NRG1: variants seen among roughly 807,000 people sequenced by gnomAD.
NRG1 encodes the protein neuregulin 1.
A neutral mutation model predicts 63.8 loss-of-function variants in NRG1; 18 were observed. The observed-to-expected ratio is 0.28, with a 90% CI of 0.19 to 0.42. The LOEUF is 0.42. Ranked by LOEUF, NRG1 falls within the 10% of genes least tolerant of loss-of-function variation. The pLI, the probability that NRG1 is intolerant of heterozygous loss-of-function variation, is 1.00. For missense variants in NRG1, 762 were observed against 814.7 expected (o/e 0.94, Z 0.79); for synonymous variants, 302 against 301.3 (o/e 1.00, Z -0.02).
At chr8:31,941,247 G>A (rs1318687011) in intron 1 of NRG1, among the ~76,000 whole-genome samples, 1 of 151,946 alleles carries the variant, frequency 6.6e-6, no homozygotes, top group Non-Finnish European at 1.5e-5. Flanking sequence ...TTTAACATAG[G>A]CAAGTCAATA....
At chr8:32,489,654 T>C (rs1369382528) in intron 1 of NRG1, among the ~76,000 whole-genome samples, 2 of 152,162 alleles carry the variant, frequency 1.3e-5, no homozygotes, top group African/African-American at 4.8e-5. Flanking sequence ...AAATATTAAA[T>C]TATGGAAGCT....
chr8:32,043,224 A>G (rs900545846), intron 1 of NRG1, among the ~76,000 whole-genome samples: 3 of 152,094 alleles, frequency 2.0e-5, no homozygotes, highest in African/African-American at 4.8e-5. Context: ...GTGGAGAAAA[A>G]TCTATTTAAA....
At chr8:31,809,231 T>C (rs1822591011) in intron 1 of NRG1, among the ~76,000 whole-genome samples, 1 of 151,398 alleles carries the variant, frequency 6.6e-6, no homozygotes, top group Non-Finnish European at 1.5e-5. Context: ...CATCAAAATA[T>C]GTCTAAGTGC....
chr8:32,743,803 G>C (rs956611598), intron 7 of NRG1, among the ~76,000 whole-genome samples: 1 of 151,836 alleles, frequency 6.6e-6, no homozygotes, highest in African/African-American at 2.4e-5. Flanking sequence ...ATATCATGTA[G>C]TTATCCTTGT....
intron 1 of NRG1, among the ~76,000 whole-genome samples, chr8:32,423,518 G>A (rs908287570): frequency 2.6e-5 from 4 of 152,012 alleles, no homozygotes; most frequent in South Asian, 2.1e-4. Context: ...GGTGGCTCTC[G>A]CCAGTGGTCC....
intron 1 of NRG1, among the ~76,000 whole-genome samples, chr8:32,499,757 G>T (rs986546695): frequency 6.6e-6 from 1 of 152,146 alleles, no homozygotes; most frequent in Non-Finnish European, 1.5e-5. Context: ...TCTCAGTCAC[G>T]TGCATTTCCC....
At chr8:32,479,039 A>G (rs949144853) in intron 1 of NRG1, among the ~76,000 whole-genome samples, 2 of 152,234 alleles carry the variant, frequency 1.3e-5, no homozygotes, top group African/African-American at 4.8e-5. Flanking sequence ...ACCTGCTCTA[A>G]GGTATTGAAA....
chr8:31,780,519 T>C (rs1318601169), intron 1 of NRG1, among the ~76,000 whole-genome samples: 1 of 152,212 alleles, frequency 6.6e-6, no homozygotes, highest in African/African-American at 2.4e-5. Context: ...GTGGCACAAA[T>C]AGAAATATTT....
chr8:31,647,717 T>A (rs1426802821), intron 1 of NRG1, among the ~76,000 whole-genome samples: 2 of 152,234 alleles, frequency 1.3e-5, no homozygotes, highest in Non-Finnish European at 2.9e-5. Flanking sequence ...CTAGGCATGC[T>A]GCTGCTTTGC....
intron 1 of NRG1, among the ~76,000 whole-genome samples, chr8:31,732,612 C>T (rs1814206897): frequency 6.6e-6 from 1 of 152,072 alleles, no homozygotes; most frequent in Non-Finnish European, 1.5e-5. Flanking sequence ...ATATATTGGC[C>T]AGAGACAGTG....
intron 1 of NRG1, among the ~76,000 whole-genome samples, chr8:32,324,739 G>C (rs1394403611): frequency 6.6e-6 from 1 of 152,150 alleles, no homozygotes; most frequent in Non-Finnish European, 1.5e-5. Context: ...TTTTAGAAGA[G>C]CTTCCAAGGA....
intron 1 of NRG1, among the ~76,000 whole-genome samples, chr8:32,120,360 C>T (rs923998542): frequency 1.3e-5 from 2 of 152,122 alleles, no homozygotes; most frequent in East Asian, 3.9e-4. Flanking sequence ...AGACCACTTA[C>T]TAGTGGTATC....
chr8:32,746,946 T>C (rs1287565784), intron 7 of NRG1, among the ~76,000 whole-genome samples: 1 of 151,424 alleles, frequency 6.6e-6, no homozygotes, highest in African/African-American at 2.4e-5. Context: ...TTATTTGCTC[T>C]GGGTCTAGTA....
chr8:32,125,861 G>C (rs1262470935), intron 1 of NRG1, among the ~76,000 whole-genome samples: 2 of 152,040 alleles, frequency 1.3e-5, no homozygotes, highest in Admixed American at 1.3e-4. Flanking sequence ...GAAAAACCTT[G>C]TCACAATATG....
At chr8:32,345,685 T>C in intron 1 of NRG1, among the ~76,000 whole-genome samples, 1 of 152,138 alleles carries the variant, frequency 6.6e-6, no homozygotes, top group East Asian at 1.9e-4. Context: ...CTCAAAAGTA[T>C]ATGGCCAGGT....
intron 1 of NRG1, among the ~76,000 whole-genome samples, chr8:32,041,873 C>G (rs1288642047): frequency 6.6e-6 from 1 of 152,098 alleles, no homozygotes; most frequent in Non-Finnish European, 1.5e-5. Flanking sequence ...TTATTAGTGC[C>G]TGGGCTCAAA....
chr8:32,365,802 C>T (rs1563365520), intron 1 of NRG1, among the ~76,000 whole-genome samples: 1 of 152,154 alleles, frequency 6.6e-6, no homozygotes, highest in Non-Finnish European at 1.5e-5. Context: ...GTAGTTTGCT[C>T]ACCCTTGGTG....
chr8:32,748,953 A>G (rs1828117423), intron 7 of NRG1: 1 of 225,306 alleles, frequency 4.4e-6, no homozygotes, highest in Non-Finnish European at 8.9e-6. Context: ...GAAGATTAGA[A>G]GAAGTAAAAG....
At chr8:31,649,417 T>A (rs1804623787) in intron 1 of NRG1, among the ~76,000 whole-genome samples, 1 of 152,244 alleles carries the variant, frequency 6.6e-6, no homozygotes, top group Non-Finnish European at 1.5e-5. Context: ...GCCTTCCTAA[T>A]GCACGTGGAG....
Sources: allele counts gnomAD v4.1 joint callset (sites outside exome capture counted in the v4.1 genomes callset), GRCh38; gene constraint gnomAD v4.1.1; transcripts MANE v1.5; gene names NCBI Gene and HGNC (gene_info 2026-07-23, HGNC 2026-07-21).